The following MAST4 variants were observed in gnomAD, a reference collection of about 807,000 sequenced individuals.
MAST4 encodes microtubule-associated serine/threonine-protein kinase 4.
MAST4 carries 89 observed loss-of-function variants against 162.7 expected under a neutral mutation model. That is an observed-to-expected ratio of 0.55 (90% CI 0.46 to 0.65). The LOEUF is 0.65. Ranked by LOEUF, MAST4 falls within the 30% of genes least tolerant of loss-of-function variation. The probability of loss-of-function intolerance (pLI) is 0.00; values close to 1 mark genes in which losing one functional copy is unlikely to be tolerated. For synonymous variants in MAST4, 1,479 were observed against 1,361.1 expected (o/e 1.09, Z -1.91); for missense variants, 3,153 against 3,374.0 (o/e 0.93, Z 1.62).
At chr5:66,919,681 A>AG (rs1440425957) in intron 4 of MAST4, among the ~76,000 whole-genome samples, 1 of 145,582 alleles carries the variant, frequency 6.9e-6, no homozygotes, top group Non-Finnish European at 1.5e-5. Flanking sequence ...AAAAAAAAAG[A>AG]GAAAAAGGTG....
intron 3 of MAST4, among the ~76,000 whole-genome samples, chr5:66,800,709 CATAA>C (rs776466076): frequency 2.0e-5 from 3 of 152,096 alleles, no homozygotes; most frequent in Non-Finnish European, 2.9e-5. Flanking sequence ...AAAAACACTA[CATAA>C]ATAAATAAAA....
At chr5:66,751,084 T>C (rs978396737) in intron 1 of MAST4, among the ~76,000 whole-genome samples, 4 of 151,700 alleles carry the variant, frequency 2.6e-5, no homozygotes, top group African/African-American at 9.7e-5. Context: ...CAGCTGAGGG[T>C]CCTGTCTGTT....
chr5:66,610,762 T>G (rs1383337980), intron 1 of MAST4, among the ~76,000 whole-genome samples: 1 of 152,174 alleles, frequency 6.6e-6, no homozygotes, highest in Non-Finnish European at 1.5e-5. Flanking sequence ...AGGGAACAGG[T>G]AAGCTGGAAG....
intron 7 of MAST4, among the ~76,000 whole-genome samples, chr5:67,097,212 G>A (rs927040320): frequency 6.6e-6 from 1 of 152,104 alleles, no homozygotes; most frequent in African/African-American, 2.4e-5. Context: ...AAAAAAAGGT[G>A]AGCTACATAA....
chr5:66,959,142 T>C, intron 4 of MAST4: 1 of 756,528 alleles, frequency 1.3e-6, no homozygotes, highest in East Asian at 2.5e-5. Context: ...GAGAGAGTGT[T>C]AGTCCAGTCC....
rs1773676780 is a variant in MAST4 at position 67,164,832 on chromosome 5, A to G, written c.5653A>G (p.Asn1885Asp). 5 of 1,613,990 alleles carry G rather than the reference A, an allele frequency of 3.1e-6. No homozygotes were observed. Among genetic ancestry groups the G allele is most frequent in the Non-Finnish European group, 4.2e-6 (5 of 1,179,886 alleles). ...CCTGCCCCCCAGCCGAGGTCTCCAG[A>G]ATTCACCAGCAGTTTCCCTGCCTGA... ...WFLPPSRGLQ[N>D]SPAVSLPDPE... is the part of the protein sequence containing the mutation. The change falls in exon 29 of 29, where the codon AAT becomes GAT. Residue 1885 changes from asparagine to aspartate, a missense_variant. By Grantham distance (23) the Asn-to-Asp change is conservative. Coordinates refer to ENST00000403625, the MANE Select transcript of MAST4 (RefSeq NM_001164664.2). This position sits in a 1 kb window ranked among gnomAD's most constrained non-coding sequence, Gnocchi z 5.3.
At chr5:66,688,095 T>C (rs1748807270) in intron 1 of MAST4, among the ~76,000 whole-genome samples, 1 of 152,228 alleles carries the variant, frequency 6.6e-6, no homozygotes, top group Non-Finnish European at 1.5e-5. Context: ...TAATATGGAA[T>C]AGCCCACTCT....
intron 4 of MAST4, among the ~76,000 whole-genome samples, chr5:66,924,463 G>A (rs1376876463): frequency 6.7e-6 from 1 of 150,272 alleles, no homozygotes; most frequent in Admixed American, 6.6e-5. Flanking sequence ...GCGCGATCTC[G>A]GCTCGCTGCA....
At chr5:66,770,232 C>G (rs571594736) in intron 2 of MAST4, among the ~76,000 whole-genome samples, 1 of 152,262 alleles carries the variant, frequency 6.6e-6, no homozygotes, top group South Asian at 2.1e-4. Context: ...CAGTTTATAG[C>G]CTGGATATTT....
At chr5:66,598,444 A>G (rs1341791531) in intron 1 of MAST4, among the ~76,000 whole-genome samples, 1 of 152,214 alleles carries the variant, frequency 6.6e-6, no homozygotes, top group East Asian at 1.9e-4. Flanking sequence ...ATTTCAGATG[A>G]ATCCATAGCT....
At chr5:66,648,073 T>TGAGAGA (rs1394688404) in intron 1 of MAST4, among the ~76,000 whole-genome samples, 60 of 94,844 alleles carry the variant, frequency 6.3e-4, no homozygotes, top group African/African-American at 2.5e-3. Context: ...TGTGTGTGTG[T>TGAGAGA]GTGTGTGTGT....
At chr5:66,852,666 A>G (rs34668579) in intron 3 of MAST4, among the ~76,000 whole-genome samples, 1,749 of 152,200 alleles carry the variant, frequency 0.011, 9 homozygotes, top group Non-Finnish European at 0.017. Context: ...TTTTGGCTAC[A>G]TTTTTCCCCC....
At chr5:66,845,089 A>ATT (rs1267915598) in intron 3 of MAST4, among the ~76,000 whole-genome samples, 2,444 of 24,588 alleles carry the variant, frequency 0.099, 49 homozygotes, top group African/African-American at 0.15. Context: ...TAATCTTTAT[A>ATT]TATATATATA....
At position 66,771,599 on chromosome 5, in the gene MAST4, C is replaced by G. The variant is rs561462801; in HGVS notation, c.517+11737C>G. Among the ~76,000 whole-genome samples the G allele has an allele frequency of 2.2e-4, 33 of 152,264 alleles. 1 individual carries two copies. The East Asian group carries it at 6.4e-3, about 29-fold the overall frequency. ...TCCGTGAACAGAAGGCTTCCTCCCC[C>G]CACTCCCCTGCTCATTTCTTAGGTT... On this transcript the variant is annotated intron_variant, in intron 2 of 28. Transcript: ENST00000403625.
Position 66,714,579 on chromosome 5 carries a change from C to A in MAST4, c.364-45130C>A, listed in dbSNP as rs368312109. Reference sequence around the variant, plus strand: ...ACTTTGGTCCTGTGCTCATACTTGGCGTTTCCTTCTGCTGGCAAATCTTGT... The same window carrying A: ...ACTTTGGTCCTGTGCTCATACTTGGAGTTTCCTTCTGCTGGCAAATCTTGT... On this transcript the variant is annotated intron_variant, in intron 1 of 28. Coordinates refer to ENST00000403625, the MANE Select transcript of MAST4 (RefSeq NM_001164664.2). Among the ~76,000 whole-genome samples, 4 of 152,310 alleles carry A rather than the reference C, an allele frequency of 2.6e-5. No individual in the cohort carries two copies. In the East Asian group the frequency reaches 5.8e-4, roughly 22 times the overall value.
At chr5:66,631,246 A>T (rs114785120) in intron 1 of MAST4, among the ~76,000 whole-genome samples, 3,446 of 152,226 alleles carry the variant, frequency 0.023, 79 homozygotes, top group African/African-American at 0.059. Flanking sequence ...GACTGAACTG[A>T]CTTTTTGTTT....
At chr5:66,769,249 G>A (rs1460216829) in intron 2 of MAST4, among the ~76,000 whole-genome samples, 2 of 152,120 alleles carry the variant, frequency 1.3e-5, no homozygotes, top group Non-Finnish European at 2.9e-5. Context: ...GTGGACCTGA[G>A]CTGTACAGGA....
chr5:66,703,579 T>C (rs1749920560), intron 1 of MAST4, among the ~76,000 whole-genome samples: 1 of 152,182 alleles, frequency 6.6e-6, no homozygotes, highest in Non-Finnish European at 1.5e-5. Flanking sequence ...GTGTTGTTTT[T>C]TAACAGCTTT....
intron 1 of MAST4, among the ~76,000 whole-genome samples, chr5:66,658,450 A>T (rs949334315): frequency 6.6e-6 from 1 of 152,226 alleles, no homozygotes; most frequent in Non-Finnish European, 1.5e-5. Flanking sequence ...TTTTAAATCA[A>T]TATCAAATTA....
Sources: allele counts gnomAD v4.1 joint callset (sites outside exome capture counted in the v4.1 genomes callset), GRCh38; gene constraint gnomAD v4.1.1; non-coding constraint Gnocchi (gnomAD v3.1); transcripts MANE v1.5; gene names NCBI Gene and HGNC (gene_info 2026-07-23, HGNC 2026-07-21).